Variants in PCSK6 observed in about 807,000 individuals in gnomAD.
PCSK6 encodes the protein proprotein convertase subtilisin/kexin type 6.
A neutral mutation model predicts 123.3 loss-of-function variants in PCSK6; 85 were observed. The observed-to-expected ratio is 0.69, with a 90% CI of 0.58 to 0.83. The LOEUF (loss-of-function observed/expected upper bound fraction) is 0.83. Among genes scored for constraint, PCSK6 ranks in the 40% least tolerant of loss-of-function variants. PCSK6 has a pLI of 0.00. For synonymous variants in PCSK6, 508 were observed against 516.0 expected (o/e 0.98, Z 0.21); for missense variants, 1,191 against 1,282.3 (o/e 0.93, Z 1.09).
intron 11 of PCSK6, among the ~76,000 whole-genome samples, chr15:101,379,427 G>T (rs2041848358): frequency 6.6e-6 from 1 of 152,168 alleles, no homozygotes; most frequent in Non-Finnish European, 1.5e-5. Context: ...CTGACCTTTG[G>T]TCACACCAGG....
Position 101,382,162 on chromosome 15 carries a change from C to A in PCSK6, c.1462G>T (p.Val488Leu), listed in dbSNP as rs1200569909. The change falls in exon 11 of 22, where the codon GTG becomes TTG. Residue 488 changes from valine to leucine, a missense_variant. Physicochemically the swap from Val to Leu is conservative, Grantham distance 32. Transcript: ENST00000611716. The stretch of plus-strand genomic sequence containing the variant: ...ACTGCTGTCCACTTCTTTGCCTCCA[C>A]AACGAGAGCTTCTGCGTCCACCAAA... Reference protein sequence around the residue: ...FGLVDAEALVVEAKKWTAVPS... With the variant: ...FGLVDAEALVLEAKKWTAVPS... 2 of 1,613,124 alleles carry A rather than the reference C, an allele frequency of 1.2e-6. No individual in the cohort carries two copies. Among genetic ancestry groups the A allele is most frequent in the Non-Finnish European group, 1.7e-6 (2 of 1,179,646 alleles).
intron 17 of PCSK6, among the ~76,000 whole-genome samples, chr15:101,324,228 G>A (rs904366724): frequency 2.6e-5 from 4 of 152,182 alleles, no homozygotes; most frequent in Non-Finnish European, 5.9e-5. Flanking sequence ...TGAAATGCCC[G>A]GCAAAGACAA....
rs1413683126 is a variant in PCSK6 at position 101,376,502 on chromosome 15, G to A, written c.1532+5590C>T. ...CATACACATAAAGCTCGGTCTATAT[G>A]GACAGGCTGGCAAAAATGTGACCGG... On this transcript the variant is annotated intron_variant, in intron 11 of 21. Transcript: ENST00000611716. 2.0e-5 allele frequency among the ~76,000 whole-genome samples: 3 copies of A among 152,302 alleles called. No homozygotes were observed. The East Asian group carries it at 5.8e-4, about 29-fold the overall frequency.
intron 2 of PCSK6, among the ~76,000 whole-genome samples, chr15:101,438,601 C>T (rs958712952): frequency 2.0e-5 from 3 of 152,212 alleles, no homozygotes; most frequent in Non-Finnish European, 2.9e-5. Context: ...CGCACAGCAG[C>T]GTCAGTCCGC....
intron 11 of PCSK6, among the ~76,000 whole-genome samples, chr15:101,374,400 C>T (rs932118852): frequency 6.6e-6 from 1 of 152,192 alleles, no homozygotes; most frequent in Admixed American, 6.5e-5. Context: ...CCGCCTCAAG[C>T]TCTCCACTTT....
At chr15:101,309,173 G>A (rs1288213958) in intron 20 of PCSK6, 1 of 152,708 alleles carries the variant, frequency 6.5e-6, no homozygotes, top group African/African-American at 2.4e-5. Flanking sequence ...AGGTGCAGCT[G>A]GGCTCTCCAC....
intron 6 of PCSK6, among the ~76,000 whole-genome samples, chr15:101,421,263 T>C (rs894641791): frequency 3.9e-5 from 6 of 152,214 alleles, no homozygotes; most frequent in African/African-American, 1.4e-4. Context: ...AAGATATAAT[T>C]TGGACAGTTC....
intron 13 of PCSK6, among the ~76,000 whole-genome samples, chr15:101,356,578 G>T (rs1400697900): frequency 6.6e-6 from 1 of 151,718 alleles, no homozygotes; most frequent in African/African-American, 2.4e-5. Context: ...TACTTGGGAG[G>T]CTGAGGCAGA....
intron 11 of PCSK6, among the ~76,000 whole-genome samples, chr15:101,378,599 G>A (rs891776129): frequency 1.3e-5 from 2 of 152,210 alleles, no homozygotes; most frequent in African/African-American, 4.8e-5. Context: ...AGGCAGTAAA[G>A]AGACTGCCCA....
Position 101,311,595 on chromosome 15 carries a change from T to C in PCSK6, c.2699+1781A>G, listed in dbSNP as rs146431941. Among the ~76,000 whole-genome samples the C allele has an allele frequency of 5.2e-3, 798 of 152,118 alleles. 11 individuals are homozygous for C. The highest frequency in any genetic ancestry group is 0.019 in the Admixed American group (290 of 15,284). ...TTTATAAATCACCCAACCTCAGGTA[T>C]TTCTTTTTAGCACTGTGAAAGCAGG... On this transcript the variant is annotated intron_variant, in intron 20 of 21. Coordinates refer to ENST00000611716, the MANE Select transcript of PCSK6 (RefSeq NM_002570.5).
At chr15:101,384,188 G>A (rs1200667968) in intron 10 of PCSK6, 134 bp downstream of exon 10, 8 of 1,467,752 alleles carry the variant, frequency 5.5e-6, no homozygotes, top group Admixed American at 2.4e-5. Flanking sequence ...CTGCACATGC[G>A]TTTTAAATTC....
chr15:101,465,712 A>G (rs184043135), intron 1 of PCSK6, among the ~76,000 whole-genome samples: 3 of 152,220 alleles, frequency 2.0e-5, no homozygotes, highest in Admixed American at 2.0e-4. Context: ...GTAATGATCT[A>G]AGGCACCTGA....
intron 13 of PCSK6, among the ~76,000 whole-genome samples, chr15:101,360,862 A>G (rs1466539126): frequency 6.6e-6 from 1 of 152,222 alleles, no homozygotes; most frequent in African/African-American, 2.4e-5. Context: ...TGCCCTTGTC[A>G]CCCTGCCCTG....
At chr15:101,356,003 G>A (rs1159160721) in intron 13 of PCSK6, among the ~76,000 whole-genome samples, 1 of 152,224 alleles carries the variant, frequency 6.6e-6, no homozygotes, top group East Asian at 1.9e-4. Flanking sequence ...CAGGAAAAGC[G>A]GAGGCAGGAG....
Position 101,323,954 on chromosome 15 carries a change from CCT to C in PCSK6, c.2377+894_2377+895del, listed in dbSNP as rs1314757479. 8.5e-5 allele frequency among the ~76,000 whole-genome samples: 13 copies of C among 152,272 alleles called. 1 individual carries two copies. The highest frequency in any genetic ancestry group is 6.2e-4 in the South Asian group (3 of 4,824). ...TCTTTAATGTGTTTGAGAACTATCC[CCT>C]GTCAATTTAACCCAAGCCCTGCTTT... is the stretch of plus-strand genomic sequence containing the variant. On this transcript the variant is annotated intron_variant, in intron 17 of 21. Coordinates refer to ENST00000611716, the MANE Select transcript of PCSK6 (RefSeq NM_002570.5).
At chr15:101,479,153 G>C (rs2057806034) in intron 1 of PCSK6, among the ~76,000 whole-genome samples, 1 of 152,204 alleles carries the variant, frequency 6.6e-6, no homozygotes. Context: ...CCCCTCCGTG[G>C]AGCTCGGAGA....
At chr15:101,463,340 G>A (rs2057381117) in intron 1 of PCSK6, among the ~76,000 whole-genome samples, 1 of 152,100 alleles carries the variant, frequency 6.6e-6, no homozygotes, top group Non-Finnish European at 1.5e-5. Context: ...GAATATCACT[G>A]CTCTACCAAG....
chr15:101,458,141 C>CGATA (rs2057238449), intron 1 of PCSK6, among the ~76,000 whole-genome samples: 1 of 152,180 alleles, frequency 6.6e-6, no homozygotes, highest in African/African-American at 2.4e-5. Flanking sequence ...TCATGCTGGG[C>CGATA]TATCAGGCAA....
chr15:101,407,924 T>C (rs1345126906), intron 6 of PCSK6, among the ~76,000 whole-genome samples: 2 of 152,234 alleles, frequency 1.3e-5, no homozygotes, highest in African/African-American at 4.8e-5. Context: ...TCGGGTCCTG[T>C]TGATTCTTCA....
Sources: allele counts gnomAD v4.1 joint callset (sites outside exome capture counted in the v4.1 genomes callset), GRCh38; gene constraint gnomAD v4.1.1; transcripts MANE v1.5; gene names NCBI Gene and HGNC (gene_info 2026-07-23, HGNC 2026-07-21).